Variants in CALR3 observed in about 807,000 individuals in gnomAD.
The protein encoded by CALR3 is calreticulin 3.
CALR3 carries 39 observed loss-of-function variants against 48.7 expected under a neutral mutation model. The observed-to-expected ratio is 0.80, with a 90% CI of 0.62 to 1.05. The LOEUF (loss-of-function observed/expected upper bound fraction) is 1.05. Ranked by LOEUF, CALR3 falls within the 50% of genes least tolerant of loss-of-function variation. The pLI is 0.00. For missense variants in CALR3, 449 were observed against 474.7 expected (o/e 0.95, Z 0.50); for synonymous variants, 185 against 172.7 (o/e 1.07, Z -0.56).
chr19:16,493,542 A>ATTTTTTTTTTTTTTTTTTTTTTTT (rs3032114), intron 2 of CALR3, among the ~76,000 whole-genome samples: 1 of 72,928 alleles, frequency 1.4e-5, no homozygotes, highest in African/African-American at 5.3e-5. Context: ...TGAAGCTAGA[A>ATTTTTTTTTTTTTTTTTTTTTTTT]TTTTTTTTTT....
intron 5 of CALR3, 37 bp downstream of exon 5, chr19:16,483,893 T>C (rs1183577527): frequency 6.2e-7 from 1 of 1,604,172 alleles, no homozygotes; most frequent in African/African-American, 1.3e-5. Flanking sequence ...AAACTACATT[T>C]GTGCACTTTT....
rs1324542856 is a variant in CALR3, at chr19:16,485,181, C to T, written c.474G>A (p.Lys158=). 6 of 1,605,368 alleles carry T rather than the reference C, an allele frequency of 3.7e-6. No individual in the cohort carries two copies. The highest frequency in any genetic ancestry group is 4.3e-6 in the Non-Finnish European group (5 of 1,172,274). The change falls in exon 4 of 9, where the codon AAG becomes AAA. Residue 158 remains lysine (K), a synonymous_variant. Coordinates refer to ENST00000269881, the MANE Select transcript of CALR3 (RefSeq NM_145046.5). Reference sequence around the variant, plus strand: ...CAGTTACCTTACACCTGATCAGTTTCTTGTTTTCGTGATACTTATTCTTGA... The same window carrying T: ...CAGTTACCTTACACCTGATCAGTTTTTTGTTTTCGTGATACTTATTCTTGA... ...LHFKNKYHEN[K]KLIRCKVDGF...
chr19:16,482,706 G>A lies in CALR3; in HGVS notation c.758C>T (p.Ala253Val), dbSNP rs771984164. 9.9e-6 allele frequency: 16 copies of A among 1,614,040 alleles called. No homozygotes were observed. Among genetic ancestry groups the A allele is most frequent in the East Asian group, 8.9e-5 (4 of 44,876 alleles). ...WNGDLDGDWP[A>V]PMLQKPPYQD... ...GTACGGGGGCTTCTGGAGCATCGGC[G>A]CTGGCCAGTCCCCATCCAGGTCACC... Residue 253 changes from alanine to valine, a missense_variant, in exon 6 of 9, where the codon GCG (alanine) becomes GTG (valine). Physicochemically the swap from Ala to Val is moderately conservative, Grantham distance 64. Transcript: ENST00000269881.
chr19:16,495,853 C>T lies in CALR3; in HGVS notation c.92-1G>A, dbSNP rs373161457. 3.7e-6 allele frequency: 6 copies of T among 1,613,776 alleles called. No individual in the cohort carries two copies. The highest frequency in any genetic ancestry group is 5.1e-6 in the Non-Finnish European group (6 of 1,179,706). On this transcript the variant is annotated splice_acceptor_variant, in intron 1 of 8. Coordinates refer to ENST00000269881, the MANE Select transcript of CALR3 (RefSeq NM_145046.5). LOFTEE classifies it high-confidence loss of function. The stretch of plus-strand genomic sequence containing the variant: ...TGCAACCATCGGTTTCTCCAATGCT[C>T]TGTGGGGAAGGGGAAATAACACCGG...
rs2093394788 is a variant in CALR3 at position 16,489,663 on chromosome 19, G to C, written c.397+704C>G. On this transcript the variant is annotated intron_variant, in intron 3 of 8. Transcript: ENST00000269881. ...TCTCTACTAAAATACAAAAAAATTA[G>C]CCAGGTATGGTGGCACATGCCTGTA... 3.3e-5 allele frequency among the ~76,000 whole-genome samples: 5 copies of C among 149,294 alleles called. 1 individual carries two copies. The South Asian group carries it at 1.1e-3, about 32-fold the overall frequency.
chr19:16,491,835 T>A (rs969004622), intron 2 of CALR3, among the ~76,000 whole-genome samples: 1 of 151,740 alleles, frequency 6.6e-6, no homozygotes, highest in Non-Finnish European at 1.5e-5. Flanking sequence ...CACTAAACTT[T>A]CTTTCTTTCT....
chr19:16,495,604 G>T, intron 2 of CALR3, 147 bp downstream of exon 2: 1 of 622,308 alleles, frequency 1.6e-6, no homozygotes, highest in Non-Finnish European at 2.9e-6. Context: ...AAAAAACAAG[G>T]AAAGGAGCCC....
At chr19:16,485,758 A>G (rs1353212380) in intron 3 of CALR3, among the ~76,000 whole-genome samples, 1 of 151,882 alleles carries the variant, frequency 6.6e-6, no homozygotes, top group African/African-American at 2.4e-5. Context: ...GGTTTAAGTG[A>G]TTCTCCTGCA....
intron 2 of CALR3, 140 bp downstream of exon 2, chr19:16,495,611 G>GCC: frequency 1.6e-6 from 1 of 641,204 alleles, no homozygotes; most frequent in Non-Finnish European, 2.8e-6. Context: ...AAGGAAAGGA[G>GCC]CCCCTTAAGT....
At chr19:16,492,383 G>A (rs2093399463) in intron 2 of CALR3, among the ~76,000 whole-genome samples, 1 of 152,240 alleles carries the variant, frequency 6.6e-6, no homozygotes, top group Non-Finnish European at 1.5e-5. Context: ...TTGAACCTGG[G>A]AGATGGAGGA....
chr19:16,492,955 TG>T (rs1568487987), intron 2 of CALR3, among the ~76,000 whole-genome samples: 1 of 151,672 alleles, frequency 6.6e-6, no homozygotes, highest in Non-Finnish European at 1.5e-5. Flanking sequence ...CATTTGAACC[TG>T]GGAGGCGGAG....
chr19:16,490,720 T>C (rs1289473673), intron 2 of CALR3, 150 bp from the exon 3 acceptor site: 4 of 767,984 alleles, frequency 5.2e-6, no homozygotes, highest in Non-Finnish European at 6.8e-6. Context: ...TATACAATAA[T>C]GCATAATGGG....
Position 16,496,057 on chromosome 19 carries a change from C to T in CALR3, c.73G>A (p.Glu25Lys), listed in dbSNP as rs2093407872. Residue 25 changes from glutamate (E) to lysine (K), a missense_variant, in exon 1 of 9, where the codon GAG (glutamate) becomes AAG (lysine). Transcript: ENST00000269881. The part of the protein sequence containing the change: ...RVALATVYFQ[E>K]EFLDGEHWRN... ...CCTTCACCTCCGTCTAGAAATTCCT[C>T]TTGGAAATAGACGGTAGCCAGCGCC... 1.2e-6 allele frequency: 2 copies of T among 1,601,616 alleles called. No homozygotes were observed. Among genetic ancestry groups the T allele is most frequent in the Non-Finnish European group, 8.5e-7 (1 of 1,173,986 alleles).
In CALR3 at chr19:16,485,054, A is replaced by T. The variant is rs952192217; in HGVS notation, c.492+109T>A. On this transcript the variant is annotated intron_variant, in intron 4 of 8. Coordinates refer to ENST00000269881, the MANE Select transcript of CALR3 (RefSeq NM_145046.5). ...GAAACTGGAAACAGGAGGTATGTCT[A>T]CAAAGACCCATCCCTGGCTCAGTTA... 1.4e-5 allele frequency: 11 copies of T among 775,352 alleles called. No homozygotes were observed. The African/African-American group carries it at 1.7e-4, about 12-fold the overall frequency. The allele number at this position is 775,352 out of a possible 1,614,324, so 48.0% of individuals were successfully genotyped here.
intron 3 of CALR3, among the ~76,000 whole-genome samples, chr19:16,487,482 A>AC (rs1239693696): frequency 4.2e-4 from 9 of 21,674 alleles, no homozygotes; most frequent in Admixed American, 2.6e-3. Flanking sequence ...GTGTCTCCAC[A>AC]AAAAAAAAAA....
Position 16,482,791 on chromosome 19 carries a change from A to T in CALR3, c.679-6T>A. 2.5e-6 allele frequency: 4 copies of T among 1,610,346 alleles called. No homozygotes were observed. Among genetic ancestry groups the T allele is most frequent in the Non-Finnish European group, 3.4e-6 (4 of 1,178,386 alleles). On this transcript the variant is annotated splice_polypyrimidine_tract_variant and splice_region_variant and intron_variant, in intron 5 of 8. Transcript: ENST00000269881. ...AGAAAATGCTTCTCCCAGTCCTTCA[A>T]AGACATGTAAGGAAAAAGTAAAATC...
At chr19:16,486,347 C>T (rs1055273507) in intron 3 of CALR3, among the ~76,000 whole-genome samples, 1 of 147,488 alleles carries the variant, frequency 6.8e-6, no homozygotes, top group African/African-American at 2.5e-5. Flanking sequence ...GTGGGCTGGG[C>T]ATGGTGGCTC....
At chr19:16,487,474 G>C (rs1310811567) in intron 3 of CALR3, among the ~76,000 whole-genome samples, 1 of 99,746 alleles carries the variant, frequency 1.0e-5, no homozygotes, top group Non-Finnish European at 2.0e-5. Context: ...GCGAAGCTGT[G>C]TCTCCACAAA....
At chr19:16,488,131 T>C (rs1401026573) in intron 3 of CALR3, among the ~76,000 whole-genome samples, 5 of 152,148 alleles carry the variant, frequency 3.3e-5, no homozygotes, top group Admixed American at 2.6e-4. Context: ...GTATTTTTAA[T>C]AGAAACGGGG....
Sources: allele counts gnomAD v4.1 joint callset (sites outside exome capture counted in the v4.1 genomes callset), GRCh38; gene constraint gnomAD v4.1.1; transcripts MANE v1.5; gene names NCBI Gene and HGNC (gene_info 2026-07-23, HGNC 2026-07-21).